UBE2O: variants seen among roughly 807,000 people sequenced by gnomAD.
The protein encoded by UBE2O is ubiquitin conjugating enzyme E2 O.
In UBE2O, 15 loss-of-function variants were observed where a neutral mutation model predicts 125.8. That is an observed-to-expected ratio of 0.12 (90% CI 0.08 to 0.18). UBE2O has a LOEUF of 0.18. Ranked by LOEUF, UBE2O falls within the 10% of genes least tolerant of loss-of-function variation. UBE2O has a pLI of 1.00. For missense variants in UBE2O, 1,280 were observed against 1,723.6 expected (o/e 0.74, Z 4.56); for synonymous variants, 708 against 703.2 (o/e 1.01, Z -0.11).
Position 76,395,869 on chromosome 17 carries a change from G to A in UBE2O, c.2810-8C>T, listed in dbSNP as rs1025986146. 12 of 1,614,076 alleles carry A rather than the reference G, an allele frequency of 7.4e-6. No homozygotes were observed. The highest frequency in any genetic ancestry group is 1.0e-5 in the Non-Finnish European group (12 of 1,180,052). The stretch of plus-strand genomic sequence containing the variant: ...TCTTAAAAGAATGATTTGCTAGAGG[G>A]GGGAAGAGAATAGTCAGTCCCTCAT... On this transcript the variant is annotated splice_polypyrimidine_tract_variant and splice_region_variant and intron_variant, in intron 14 of 17. Coordinates refer to ENST00000319380, the MANE Select transcript of UBE2O (RefSeq NM_022066.4). This position sits in a 1 kb window ranked among gnomAD's most constrained non-coding sequence, Gnocchi z 5.0.
chr17:76,401,387 G>A (rs918634568), intron 5 of UBE2O, among the ~76,000 whole-genome samples: 1 of 152,146 alleles, frequency 6.6e-6, no homozygotes, highest in East Asian at 1.9e-4. Context: ...ATGCTCCTTG[G>A]TCAAGGGCTC....
chr17:76,402,651 C>G lies in UBE2O; in HGVS notation c.637G>C (p.Val213Leu). ...ATGATCTGGTTCTTCAAGTCGTAGA[C>G]CTTCCCCAGCCAGCAGTCATAGGCA... is the stretch of plus-strand genomic sequence containing the variant. ...YIAYDCWLGK[V>L]YDLKNQIILK... The change falls in exon 4 of 18, where the codon GTC becomes CTC. Residue 213 changes from valine to leucine, a missense_variant. Val to Leu is a conservative substitution (Grantham distance 32). Coordinates refer to ENST00000319380, the MANE Select transcript of UBE2O (RefSeq NM_022066.4). This position sits in a 1 kb window ranked among gnomAD's most constrained non-coding sequence, Gnocchi z 5.4. 6.2e-7 allele frequency: 1 copy of G among 1,614,176 alleles called. No homozygotes were observed. The highest frequency in any genetic ancestry group is 8.5e-7 in the Non-Finnish European group (1 of 1,180,030).
At chr17:76,412,964 C>A (rs538196825) in intron 1 of UBE2O, among the ~76,000 whole-genome samples, 1 of 152,094 alleles carries the variant, frequency 6.6e-6, no homozygotes, top group African/African-American at 2.4e-5. Context: ...GCCGAGATTG[C>A]GCCATTGCAC....
chr17:76,395,522 A>G lies in UBE2O; in HGVS notation c.2946+203T>C. On this transcript the variant is annotated intron_variant, in intron 15 of 17. Transcript: ENST00000319380. This position sits in a 1 kb window ranked among gnomAD's most constrained non-coding sequence, Gnocchi z 5.0. ...AGTAATTTTTTAAAGGAGGGAGGAA[A>G]GAAAGAACCATCTGGCCTGGACACA... 1 of 531,276 alleles carries G rather than the reference A, an allele frequency of 1.9e-6. No homozygotes were observed. Among genetic ancestry groups the G allele is most frequent in the Non-Finnish European group, 3.2e-6 (1 of 310,578 alleles). The allele number at this position is 531,276 out of a possible 1,614,324, so 32.9% of individuals were successfully genotyped here. A position where few individuals can be genotyped will look rare whatever the true frequency, so the allele number is the denominator to read the frequency against.
intron 1 of UBE2O, among the ~76,000 whole-genome samples, chr17:76,444,761 C>T (rs529661489): frequency 1.3e-5 from 2 of 152,344 alleles, no homozygotes; most frequent in Admixed American, 6.5e-5. Context: ...CAGAGAAATG[C>T]TTTCTTCCTT....
chr17:76,396,904 TCCGCA>T lies in UBE2O; in HGVS notation c.2116-88_2116-84del. On this transcript the variant is annotated intron_variant, in intron 13 of 17. Transcript: ENST00000319380. The surrounding 1 kb of genome is among the most constrained non-coding windows in gnomAD (Gnocchi z 6.7). ...AAGGAGGAGCTCTGGGGATCCCTGATCCGCACAGCTGATGGCGACTGGGCTCATGA... is the reference window on the plus strand; with the variant it reads ...AAGGAGGAGCTCTGGGGATCCCTGATCAGCTGATGGCGACTGGGCTCATGA... 8.0e-7 allele frequency: 1 copy of T among 1,257,686 alleles called. No individual in the cohort carries two copies. The highest frequency in any genetic ancestry group is 1.1e-6 in the Non-Finnish European group (1 of 910,362). 77.9% of individuals were successfully genotyped at this position (1,257,686 alleles called of 1,614,324 possible).
intron 1 of UBE2O, among the ~76,000 whole-genome samples, chr17:76,416,404 C>G (rs1274502087): frequency 6.6e-6 from 1 of 152,116 alleles, no homozygotes; most frequent in Admixed American, 6.5e-5. Flanking sequence ...TGCACACCCC[C>G]CAGAGAAACA....
chr17:76,396,085 G>A lies in UBE2O; in HGVS notation c.2809+43C>T, dbSNP rs764778038. The A allele has an allele frequency of 1.2e-5, 19 of 1,597,148 alleles. No individual in the cohort carries two copies. Among genetic ancestry groups the A allele is most frequent in the East Asian group, 4.5e-5 (2 of 44,770 alleles). ...ATCTGGTGACACAAACAGGAGCCCC[G>A]AGAAGGCGGGGGAAGGCGAAGACCA... On this transcript the variant is annotated intron_variant, in intron 14 of 17. Coordinates refer to ENST00000319380, the MANE Select transcript of UBE2O (RefSeq NM_022066.4). The surrounding 1 kb of genome is among the most constrained non-coding windows in gnomAD (Gnocchi z 6.7).
At chr17:76,425,475 A>C (rs943322166) in intron 1 of UBE2O, among the ~76,000 whole-genome samples, 1 of 152,166 alleles carries the variant, frequency 6.6e-6, no homozygotes, top group Non-Finnish European at 1.5e-5. Context: ...AGCTGTTTGA[A>C]TATTTACCTC....
intron 1 of UBE2O, among the ~76,000 whole-genome samples, chr17:76,417,290 A>T (rs1283462103): frequency 2.6e-5 from 4 of 152,270 alleles, no homozygotes; most frequent in Non-Finnish European, 5.9e-5. Flanking sequence ...ATCCCTGGGC[A>T]GCATGGCCCA....
chr17:76,408,852 T>TA (rs913778645), intron 1 of UBE2O, among the ~76,000 whole-genome samples: 39 of 151,874 alleles, frequency 2.6e-4, no homozygotes, highest in South Asian at 1.9e-3. Flanking sequence ...GCTTGTAGTT[T>TA]AAAAAAAAAT....
At chr17:76,406,220 A>G (rs149322424) in intron 1 of UBE2O, among the ~76,000 whole-genome samples, 2,645 of 152,300 alleles carry the variant, frequency 0.017, 23 homozygotes, top group Middle Eastern at 0.027. Flanking sequence ...CTCTTTACGC[A>G]CAGCTGGCAG....
At chr17:76,431,732 A>T (rs1056684706) in intron 1 of UBE2O, among the ~76,000 whole-genome samples, 33 of 152,184 alleles carry the variant, frequency 2.2e-4, no homozygotes, top group African/African-American at 8.0e-4. Context: ...GCTTGAAACC[A>T]GGAGTTTGGG....
chr17:76,402,131 A>G lies in UBE2O; in HGVS notation c.687-4T>C. On this transcript the variant is annotated splice_polypyrimidine_tract_variant and splice_region_variant and intron_variant, in intron 4 of 17. Transcript: ENST00000319380. The surrounding 1 kb of genome is among the most constrained non-coding windows in gnomAD (Gnocchi z 5.4). Reference sequence around the variant, plus strand: ...ATCTTCCGTGTTCATGGAGCACCTAAAACAGAGAACAGAGGTTTGGTCTCC... The same window carrying G: ...ATCTTCCGTGTTCATGGAGCACCTAGAACAGAGAACAGAGGTTTGGTCTCC... 6.2e-7 allele frequency: 1 copy of G among 1,613,442 alleles called. No homozygotes were observed. Among genetic ancestry groups the G allele is most frequent in the Non-Finnish European group, 8.5e-7 (1 of 1,179,902 alleles).
chr17:76,397,820 T>C lies in UBE2O; in HGVS notation c.2094A>G (p.Ser698=), dbSNP rs368572923. The C allele has an allele frequency of 1.2e-6, 2 of 1,614,052 alleles. No individual in the cohort carries two copies. The highest frequency in any genetic ancestry group is 2.7e-5 in the African/African-American group (2 of 74,942). Residue 698 remains serine, a synonymous_variant, in exon 13 of 18, where the codon TCA becomes TCG. Transcript: ENST00000319380. ...SKVEVVWADN[S]KTIILPQHLY... Reference sequence around the variant, plus strand: ...TCACCTGGGGCAGGATGATGGTCTTTGAGTTGTCAGCCCACACCACCTCCA... The same window carrying C: ...TCACCTGGGGCAGGATGATGGTCTTCGAGTTGTCAGCCCACACCACCTCCA...
chr17:76,422,431 C>T (rs546262613), intron 1 of UBE2O, among the ~76,000 whole-genome samples: 1 of 152,366 alleles, frequency 6.6e-6, no homozygotes, highest in East Asian at 1.9e-4. Context: ...TCCCGTTCAT[C>T]ATATGCTGTA....
At chr17:76,430,224 G>T (rs1308679102) in intron 1 of UBE2O, among the ~76,000 whole-genome samples, 1 of 152,114 alleles carries the variant, frequency 6.6e-6, no homozygotes, top group African/African-American at 2.4e-5. Flanking sequence ...CTGTGTCCTT[G>T]TGGGTTTATA....
Position 76,396,824 on chromosome 17 carries a change from G to GGGGGCAGAAGGGAAGTGCCA in UBE2O, c.2116-23_2116-4dup, listed in dbSNP as rs1483543777. 1 of 1,571,082 alleles carries GGGGGCAGAAGGGAAGTGCCA rather than the reference G, an allele frequency of 6.4e-7. No individual in the cohort carries two copies. Among genetic ancestry groups the GGGGGCAGAAGGGAAGTGCCA allele is most frequent in the South Asian group, 1.2e-5 (1 of 83,896 alleles). ...TCAGACTCTATGTTGTACAAGTGCT[G>GGGGGCAGAAGGGAAGTGCCA]GGGGCAGAAGGGAAGTGCCAGGGTA... On this transcript the variant is annotated splice_polypyrimidine_tract_variant and splice_region_variant and intron_variant, in intron 13 of 17. Coordinates refer to ENST00000319380, the MANE Select transcript of UBE2O (RefSeq NM_022066.4). The surrounding 1 kb of genome is among the most constrained non-coding windows in gnomAD (Gnocchi z 6.7).
chr17:76,391,242 C>G lies in UBE2O; in HGVS notation c.3580G>C (p.Glu1194Gln), dbSNP rs377453162. The stretch of plus-strand genomic sequence containing the variant: ...TCTGAGTCTGAGCCCTGGGAGGCCT[C>G]TCCTGGGGCTGGCCCTCCATCCTCA... ...EPEDGGPAPG[E>Q]ASQGSDSEGG... Residue 1194 changes from glutamate to glutamine, a missense_variant, in exon 18 of 18, where the codon GAG becomes CAG. Physicochemically the swap from Glu to Gln is conservative, Grantham distance 29. Coordinates refer to ENST00000319380, the MANE Select transcript of UBE2O (RefSeq NM_022066.4). The surrounding 1 kb of genome is among the most constrained non-coding windows in gnomAD (Gnocchi z 8.4). The G allele has an allele frequency of 6.2e-7, 1 of 1,613,350 alleles. No homozygotes were observed. The highest frequency in any genetic ancestry group is 1.3e-5 in the African/African-American group (1 of 74,930).
Sources: allele counts gnomAD v4.1 joint callset (sites outside exome capture counted in the v4.1 genomes callset), GRCh38; gene constraint gnomAD v4.1.1; non-coding constraint Gnocchi (gnomAD v3.1); transcripts MANE v1.5; gene names NCBI Gene and HGNC (gene_info 2026-07-23, HGNC 2026-07-21).